The following PDGFRL variants were observed in gnomAD, a reference collection of about 807,000 sequenced individuals.
PDGFRL encodes the protein platelet derived growth factor receptor like.
PDGFRL carries 46 observed loss-of-function variants against 37.2 expected under a neutral mutation model. That is an observed-to-expected ratio of 1.24 (90% confidence interval 0.98 to 1.58). The LOEUF is 1.58. Ranked by LOEUF, PDGFRL falls within the 40% of genes most tolerant of loss-of-function variation. The probability of loss-of-function intolerance (pLI) is 0.00; values close to 1 mark genes in which losing one functional copy is unlikely to be tolerated. For synonymous variants in PDGFRL, 251 were observed against 184.3 expected, an observed-to-expected ratio of 1.36 and a Z score of -2.93; for missense variants, 692 against 467.6, an observed-to-expected ratio of 1.48 and a Z score of -4.43.
At chr8:17,595,324 C>G (rs1329980765) in intron 2 of PDGFRL, among the ~76,000 whole-genome samples, 1 of 152,174 alleles carries the variant, frequency 6.6e-6, no homozygotes, top group Non-Finnish European at 1.5e-5. Context: ...TTGAGTTTTC[C>G]TGCTCCCAAA....
At chr8:17,628,215 C>T (rs986519214) in intron 3 of PDGFRL, among the ~76,000 whole-genome samples, 22 of 151,414 alleles carry the variant, frequency 1.5e-4, no homozygotes, top group Admixed American at 4.6e-4. Flanking sequence ...AGGATGGTCT[C>T]GATCTCCTGA....
chr8:17,615,462 G>A (rs142332618), intron 2 of PDGFRL, among the ~76,000 whole-genome samples: 2 of 152,104 alleles, frequency 1.3e-5, no homozygotes, highest in South Asian at 2.1e-4. Context: ...ACCTGAGTCT[G>A]TGTGACACTA....
chr8:17,622,844 A>G (rs1308108525), intron 3 of PDGFRL, among the ~76,000 whole-genome samples: 1 of 152,032 alleles, frequency 6.6e-6, no homozygotes, highest in Non-Finnish European at 1.5e-5. Flanking sequence ...TGGCGGCTCC[A>G]CCCCATCCTT....
intron 2 of PDGFRL, among the ~76,000 whole-genome samples, chr8:17,601,858 G>C (rs4644301): frequency 0.2 from 30,077 of 152,018 alleles, 3,330 homozygotes; most frequent in African/African-American, 0.26. Context: ...TTTTCTTTAT[G>C]CAGTCTACTA....
chr8:17,608,861 G>A (rs1437278697), intron 2 of PDGFRL, among the ~76,000 whole-genome samples: 1 of 152,148 alleles, frequency 6.6e-6, no homozygotes, highest in African/African-American at 2.4e-5. Context: ...GAATCATTGT[G>A]TAAGTGATGA....
At chr8:17,619,031 C>T (rs960115022) in intron 2 of PDGFRL, among the ~76,000 whole-genome samples, 2 of 152,162 alleles carry the variant, frequency 1.3e-5, no homozygotes, top group African/African-American at 2.4e-5. Flanking sequence ...ACAAGCTATT[C>T]CGCAGTGAAC....
chr8:17,628,398 G>A lies in PDGFRL; in HGVS notation c.506-89G>A, dbSNP rs936720479. On this transcript the variant is annotated intron_variant, in intron 3 of 5. Transcript: ENST00000251630. ...GGCCTTTCCTACTCCTAAGGACTCA[G>A]TATTCAGAGTATGCTGCCAAAATCC... 1.5e-5 allele frequency: 14 copies of A among 923,756 alleles called. No individual in the cohort carries two copies. The East Asian group carries it at 3.1e-4, about 21-fold the overall frequency. The allele number at this position is 923,756 out of a possible 1,614,324, so 57.2% of individuals were successfully genotyped here. A position where few individuals can be genotyped will look rare whatever the true frequency, so the allele number is the denominator to read the frequency against.
chr8:17,616,817 G>C (rs539093258), intron 2 of PDGFRL, among the ~76,000 whole-genome samples: 1 of 152,276 alleles, frequency 6.6e-6, no homozygotes, highest in South Asian at 2.1e-4. Flanking sequence ...TACTAAGTAT[G>C]TGTGGGTATA....
chr8:17,640,678 G>T (rs866284373), intron 5 of PDGFRL, among the ~76,000 whole-genome samples: 1 of 152,132 alleles, frequency 6.6e-6, no homozygotes, highest in Non-Finnish European at 1.5e-5. Context: ...GAGGTGGCAG[G>T]GGAGTGAAAT....
chr8:17,602,623 G>A (rs1804190129), intron 2 of PDGFRL, among the ~76,000 whole-genome samples: 1 of 152,192 alleles, frequency 6.6e-6, no homozygotes, highest in African/African-American at 2.4e-5. Context: ...ATTCCACATT[G>A]ATTTAGGGTA....
At chr8:17,610,009 T>C (rs1195756199) in intron 2 of PDGFRL, among the ~76,000 whole-genome samples, 1 of 152,234 alleles carries the variant, frequency 6.6e-6, no homozygotes, top group Non-Finnish European at 1.5e-5. Flanking sequence ...GTGAATTCAC[T>C]GTGCTGGGTG....
chr8:17,621,040 T>C lies in PDGFRL; in HGVS notation c.354-11T>C, dbSNP rs1306687152. 1 of 1,587,008 alleles carries C rather than the reference T, an allele frequency of 6.3e-7. No individual in the cohort carries two copies. The highest frequency in any genetic ancestry group is 2.3e-5 in the East Asian group (1 of 43,990). ...TGACTTGCTTTGAGTTCATGTGTCT[T>C]TTATTCCTAGCGTCAAGCAGAATGA... On this transcript the variant is annotated splice_polypyrimidine_tract_variant and intron_variant, in intron 2 of 5. Transcript: ENST00000251630.
At chr8:17,589,409 C>T (rs1199629487) in intron 1 of PDGFRL, 59 bp from the exon 2 acceptor site, 18 of 1,329,870 alleles carry the variant, frequency 1.4e-5, no homozygotes, top group East Asian at 2.3e-5. Flanking sequence ...AGTTATTGGC[C>T]TCAAATATTC....
At chr8:17,608,300 C>G (rs1033265550) in intron 2 of PDGFRL, among the ~76,000 whole-genome samples, 11 of 152,224 alleles carry the variant, frequency 7.2e-5, no homozygotes, top group African/African-American at 2.4e-4. Context: ...GGTCAGAAAG[C>G]ACCAGCTCAC....
intron 4 of PDGFRL, 131 bp downstream of exon 4, chr8:17,628,911 TTG>T: frequency 1.5e-6 from 1 of 649,344 alleles, no homozygotes; most frequent in Admixed American, 2.9e-5. Context: ...TGGGTTGTTG[TTG>T]TTTTTTTTTC....
At chr8:17,593,469 A>C (rs1423988280) in intron 2 of PDGFRL, among the ~76,000 whole-genome samples, 1 of 151,092 alleles carries the variant, frequency 6.6e-6, no homozygotes, top group Non-Finnish European at 1.5e-5. Flanking sequence ...TTTGTAGTGC[A>C]TTCCTGTAGT....
At chr8:17,601,141 A>T (rs1444453366) in intron 2 of PDGFRL, among the ~76,000 whole-genome samples, 1 of 152,232 alleles carries the variant, frequency 6.6e-6, no homozygotes. Context: ...TCCCGCATCC[A>T]ACCAATGATG....
chr8:17,621,359 G>A (rs1804629995), intron 3 of PDGFRL, among the ~76,000 whole-genome samples, 157 bp downstream of exon 3: 1 of 151,352 alleles, frequency 6.6e-6, no homozygotes, highest in African/African-American at 2.4e-5. Flanking sequence ...GTTATTTCAT[G>A]TAAGTCTTAC....
chr8:17,614,144 G>A (rs570670677), intron 2 of PDGFRL, among the ~76,000 whole-genome samples: 6 of 152,176 alleles, frequency 3.9e-5, no homozygotes, highest in South Asian at 2.1e-4. Context: ...AGATTGATTC[G>A]TAATAGATAG....
Sources: allele counts gnomAD v4.1 joint callset (sites outside exome capture counted in the v4.1 genomes callset), GRCh38; gene constraint gnomAD v4.1.1; transcripts MANE v1.5; gene names NCBI Gene and HGNC (gene_info 2026-07-23, HGNC 2026-07-21).